Variants in ARHGAP31 observed in about 807,000 individuals in gnomAD.
ARHGAP31 encodes rho GTPase-activating protein 31.
ARHGAP31 carries 34 observed loss-of-function variants against 113.9 expected under a neutral mutation model. That is an observed-to-expected ratio of 0.30 (90% CI 0.23 to 0.40). ARHGAP31 has a LOEUF of 0.40. Among genes scored for constraint, ARHGAP31 ranks in the 10% least tolerant of loss-of-function variants. ARHGAP31 has a pLI of 1.00. For missense variants in ARHGAP31, 1,548 were observed against 1,767.1 expected, an observed-to-expected ratio of 0.88 and a Z score of 2.22; for synonymous variants, 650 against 684.8, an observed-to-expected ratio of 0.95 and a Z score of 0.79.
intron 1 of ARHGAP31, among the ~76,000 whole-genome samples, chr3:119,359,676 G>C (rs1355314266): frequency 1.3e-5 from 2 of 152,218 alleles, no homozygotes; most frequent in Non-Finnish European, 1.5e-5. Flanking sequence ...AACAGGGATG[G>C]GGAAAGGATG....
At position 119,419,319 on chromosome 3, in the gene ARHGAP31, T is replaced by C. The variant is rs182551817; in HGVS notation, c.*3055T>C. The C allele has an allele frequency of 1.8e-4, 27 of 152,312 alleles. No individual in the cohort carries two copies. The highest frequency in any genetic ancestry group is 3.4e-3 in the Middle Eastern group (1 of 294). The allele number at this position is 152,312 out of a possible 1,614,324, so 9.4% of individuals were successfully genotyped here. Reference sequence around the variant, plus strand: ...TTTTCTTTCAGCATTAGTGGTTGCTTAAGAAAATAGTAACCTATATTTTCT... The same window carrying C: ...TTTTCTTTCAGCATTAGTGGTTGCTCAAGAAAATAGTAACCTATATTTTCT... On this transcript the variant is annotated 3_prime_UTR_variant, in exon 12 of 12. Transcript: ENST00000264245.
Position 119,330,880 on chromosome 3 carries a change from A to T in ARHGAP31, c.101-34436A>T, listed in dbSNP as rs148462717. ...TGTTTTGTATATGTGCGATATATTT[A>T]TAAAGTGTGTGCCTTTGAAAGCATT... is the stretch of plus-strand genomic sequence containing the variant. On this transcript the variant is annotated intron_variant, in intron 1 of 11. Transcript: ENST00000264245. Among the ~76,000 whole-genome samples the T allele has an allele frequency of 3.0e-3, 450 of 152,346 alleles. 5 individuals carry two copies. Among genetic ancestry groups the T allele is most frequent in the African/African-American group, 0.01 (424 of 41,570 alleles).
chr3:119,386,847 G>A (rs983789028), intron 6 of ARHGAP31, among the ~76,000 whole-genome samples: 4 of 152,240 alleles, frequency 2.6e-5, no homozygotes, highest in African/African-American at 4.8e-5. Flanking sequence ...GAGAAGGAGA[G>A]GAGACAGAGA....
At chr3:119,332,817 A>C (rs1447345061) in intron 1 of ARHGAP31, among the ~76,000 whole-genome samples, 1 of 152,038 alleles carries the variant, frequency 6.6e-6, no homozygotes, top group Non-Finnish European at 1.5e-5. Flanking sequence ...TTTGTCCCTG[A>C]CTTCCTGACA....
chr3:119,327,365 G>A (rs2079854992), intron 1 of ARHGAP31, among the ~76,000 whole-genome samples: 1 of 151,810 alleles, frequency 6.6e-6, no homozygotes, highest in Non-Finnish European at 1.5e-5. Context: ...CCGACATGGT[G>A]AAACCCCGTC....
At chr3:119,346,482 G>A (rs1028543459) in intron 1 of ARHGAP31, among the ~76,000 whole-genome samples, 5 of 152,144 alleles carry the variant, frequency 3.3e-5, no homozygotes. Flanking sequence ...TGGCATTTTT[G>A]TTCCACCCAT....
intron 8 of ARHGAP31, 24 bp downstream of exon 8, chr3:119,393,615 T>C (rs1326581830): frequency 6.2e-7 from 1 of 1,613,624 alleles, no homozygotes; most frequent in East Asian, 2.2e-5. Flanking sequence ...GCAATTGTTT[T>C]ATGATACAAA....
chr3:119,307,007 A>C (rs914096155), intron 1 of ARHGAP31, among the ~76,000 whole-genome samples: 1 of 150,640 alleles, frequency 6.6e-6, no homozygotes, highest in African/African-American at 2.5e-5. Context: ...CTTTGTTTCA[A>C]TCTTTATTTT....
chr3:119,327,988 A>T (rs1043716924), intron 1 of ARHGAP31, among the ~76,000 whole-genome samples: 2 of 152,248 alleles, frequency 1.3e-5, no homozygotes, highest in African/African-American at 4.8e-5. Context: ...AGATAGAAAA[A>T]TTTTGAATAA....
At position 119,420,321 on chromosome 3, in the gene ARHGAP31, A is replaced by C. The variant is rs1297786054; in HGVS notation, c.*4057A>C. On this transcript the variant is annotated 3_prime_UTR_variant, in exon 12 of 12. Coordinates refer to ENST00000264245, the MANE Select transcript of ARHGAP31 (RefSeq NM_020754.4). Reference sequence around the variant, plus strand: ...CATGTCTGGCAGGAAGGTCAGCTCAAAATGTGGCATGACAAAGAATATGTG... The same window carrying C: ...CATGTCTGGCAGGAAGGTCAGCTCACAATGTGGCATGACAAAGAATATGTG... The C allele has an allele frequency of 6.6e-6, 1 of 152,228 alleles. No individual in the cohort carries two copies. Among genetic ancestry groups the C allele is most frequent in the Non-Finnish European group, 1.5e-5 (1 of 68,044 alleles). 9.4% of individuals were successfully genotyped at this position (152,228 alleles called of 1,614,324 possible).
chr3:119,380,884 C>G lies in ARHGAP31; in HGVS notation c.349-20C>G, dbSNP rs1170010954. 1 of 1,612,502 alleles carries G rather than the reference C, an allele frequency of 6.2e-7. No homozygotes were observed. Among genetic ancestry groups the G allele is most frequent in the South Asian group, 1.1e-5 (1 of 91,026 alleles). ...CTGCTCTCAAGCACTCACCAGGCTG[C>G]CTTGTGTTCTTCTCCACAGGAGGCA... On this transcript the variant is annotated intron_variant, in intron 3 of 11. Transcript: ENST00000264245.
At chr3:119,387,197 C>T (rs565361593) in intron 6 of ARHGAP31, among the ~76,000 whole-genome samples, 4 of 152,322 alleles carry the variant, frequency 2.6e-5, no homozygotes, top group South Asian at 2.1e-4. Flanking sequence ...TGGTAACGGG[C>T]GTCTTCCCAG....
chr3:119,301,234 G>A (rs7627301), intron 1 of ARHGAP31, among the ~76,000 whole-genome samples: 7,042 of 152,166 alleles, frequency 0.046, 162 homozygotes, highest in African/African-American at 0.052. Context: ...CTTTCTACCC[G>A]CACTGGCCGC....
At chr3:119,374,351 C>T (rs377092840) in intron 3 of ARHGAP31, among the ~76,000 whole-genome samples, 3 of 152,184 alleles carry the variant, frequency 2.0e-5, no homozygotes, top group Admixed American at 6.5e-5. Context: ...GTTCTCCCTT[C>T]GCCTTCCACC....
At chr3:119,346,554 T>A (rs866575988) in intron 1 of ARHGAP31, among the ~76,000 whole-genome samples, 1 of 152,254 alleles carries the variant, frequency 6.6e-6, no homozygotes, top group African/African-American at 2.4e-5. Context: ...CAGTGTCTTA[T>A]AAGTATAAGC....
chr3:119,300,454 A>G (rs1448435890), intron 1 of ARHGAP31, among the ~76,000 whole-genome samples: 1 of 152,210 alleles, frequency 6.6e-6, no homozygotes, highest in East Asian at 1.9e-4. Context: ...GGGATTTCTC[A>G]GAGTCACTGC....
intron 1 of ARHGAP31, among the ~76,000 whole-genome samples, chr3:119,308,043 C>T (rs148978068): frequency 3.3e-5 from 5 of 150,122 alleles, no homozygotes; most frequent in East Asian, 3.9e-4. Context: ...GAGTCACGCA[C>T]GCAGCGTTGT....
Position 119,294,689 on chromosome 3 carries a change from C to G in ARHGAP31, c.-216C>G. The G allele has an allele frequency of 1.7e-6, 1 of 594,282 alleles. No individual in the cohort carries two copies. The highest frequency in any genetic ancestry group is 2.0e-5 in the South Asian group (1 of 49,774). 36.8% of individuals were successfully genotyped at this position (594,282 alleles called of 1,614,324 possible). ...GCTGCCAGTCTGCACGGCCTCGGCACGGCGGCCCCGGAGCGGCGCGGGGTG... is the reference window on the plus strand; with the variant it reads ...GCTGCCAGTCTGCACGGCCTCGGCAGGGCGGCCCCGGAGCGGCGCGGGGTG... On this transcript the variant is annotated 5_prime_UTR_variant, in exon 1 of 12. Transcript: ENST00000264245.
intron 3 of ARHGAP31, among the ~76,000 whole-genome samples, chr3:119,372,717 A>C (rs1490693362): frequency 2.0e-5 from 3 of 152,220 alleles, no homozygotes; most frequent in African/African-American, 7.2e-5. Context: ...CTATATGATA[A>C]ACTCATTATA....
Sources: allele counts gnomAD v4.1 joint callset (sites outside exome capture counted in the v4.1 genomes callset), GRCh38; gene constraint gnomAD v4.1.1; transcripts MANE v1.5; gene names NCBI Gene and HGNC (gene_info 2026-07-23, HGNC 2026-07-21).